CNTN4: variants seen among roughly 807,000 people sequenced by gnomAD.
CNTN4 encodes the protein contactin-4.
A neutral mutation model predicts 122.5 loss-of-function variants in CNTN4; 77 were observed. That is an observed-to-expected ratio of 0.63 (90% CI 0.52 to 0.76). The LOEUF is 0.76. Ranked by LOEUF, CNTN4 falls within the 30% of genes least tolerant of loss-of-function variation. CNTN4 has a pLI of 0.00. For missense variants in CNTN4, 1,256 were observed against 1,259.1 expected (o/e 1.00, Z 0.04); for synonymous variants, 512 against 447.0 (o/e 1.15, Z -1.83).
rs1458300067 is a variant in CNTN4, at chr3:2,535,008, C to CCG, written c.-88-36408_-88-36407insCG. Among the ~76,000 whole-genome samples the CCG allele has an allele frequency of 3.8e-3, 579 of 151,776 alleles. 3 individuals are homozygous for CCG. The highest frequency in any genetic ancestry group is 9.8e-3 in the East Asian group (50 of 5,126). ...AAAAGGTCAAAGCCTTGCTTCAGCT[C>CCG]TAAAGGACCTTCTTTACATAATAGC... is the stretch of plus-strand genomic sequence containing the variant. On this transcript the variant is annotated intron_variant, in intron 3 of 24. Coordinates refer to ENST00000418658, the MANE Select transcript of CNTN4 (RefSeq NM_175607.3).
chr3:2,344,451 T>C (rs1268305756), intron 3 of CNTN4, among the ~76,000 whole-genome samples: 1 of 152,078 alleles, frequency 6.6e-6, no homozygotes, highest in Non-Finnish European at 1.5e-5. Context: ...AGCTAATTTT[T>C]GTATTTTTAG....
chr3:2,923,714 G>A (rs1342085420), intron 12 of CNTN4, among the ~76,000 whole-genome samples: 1 of 152,084 alleles, frequency 6.6e-6, no homozygotes, highest in Non-Finnish European at 1.5e-5. Context: ...TCATGCATGT[G>A]CACACACACA....
intron 6 of CNTN4, among the ~76,000 whole-genome samples, chr3:2,770,258 G>A (rs1262850168): frequency 6.6e-6 from 1 of 152,224 alleles, no homozygotes; most frequent in East Asian, 1.9e-4. Flanking sequence ...TTGAACTCCT[G>A]ACCTCGTGAT....
At chr3:2,876,865 A>G (rs1453562984) in intron 8 of CNTN4, among the ~76,000 whole-genome samples, 1 of 152,130 alleles carries the variant, frequency 6.6e-6, no homozygotes, top group South Asian at 2.1e-4. Context: ...AGCCCTTAAG[A>G]TATGTTTATT....
intron 7 of CNTN4, among the ~76,000 whole-genome samples, chr3:2,834,488 A>C (rs763666032): frequency 6.6e-6 from 1 of 151,658 alleles, no homozygotes; most frequent in Non-Finnish European, 1.5e-5. Flanking sequence ...AATTGCTTGA[A>C]CCCAGCAGGC....
intron 3 of CNTN4, among the ~76,000 whole-genome samples, chr3:2,455,976 T>C (rs1559568006): frequency 6.6e-6 from 1 of 152,144 alleles, no homozygotes; most frequent in Non-Finnish European, 1.5e-5. Context: ...AGTAAGCACT[T>C]ACTATGTGGG....
At chr3:2,119,120 C>A (rs538914454) in intron 2 of CNTN4, among the ~76,000 whole-genome samples, 17 of 152,162 alleles carry the variant, frequency 1.1e-4, no homozygotes, top group Non-Finnish European at 2.4e-4. Flanking sequence ...AGAGGGCCTT[C>A]AGAAAAAAAC....
intron 2 of CNTN4, among the ~76,000 whole-genome samples, chr3:2,216,848 A>G (rs758605935): frequency 6.6e-6 from 1 of 152,154 alleles, no homozygotes; most frequent in Non-Finnish European, 1.5e-5. Context: ...AGTCTTATCA[A>G]CTTTTCTTGA....
rs1241478123 is a variant in CNTN4, at chr3:2,556,886, CAA to C, written c.-88-14528_-88-14527del. On this transcript the variant is annotated intron_variant, in intron 3 of 24. Transcript: ENST00000418658. ...AGTCAGATGTTGAAAAGAAATGGAACAAAGTTTTTTCTAAACTTGAAAATGCT... is the reference window on the plus strand; with the variant it reads ...AGTCAGATGTTGAAAAGAAATGGAACAGTTTTTTCTAAACTTGAAAATGCT... 5.9e-5 allele frequency among the ~76,000 whole-genome samples: 9 copies of C among 152,136 alleles called. No homozygotes were observed. The South Asian group carries it at 1.5e-3, about 25-fold the overall frequency.
intron 3 of CNTN4, among the ~76,000 whole-genome samples, chr3:2,459,866 A>G (rs1454939247): frequency 6.6e-6 from 1 of 152,152 alleles, no homozygotes; most frequent in Non-Finnish European, 1.5e-5. Flanking sequence ...AAGCATAGCA[A>G]ATATATAGTT....
chr3:2,261,875 G>A (rs2040846254), intron 2 of CNTN4, among the ~76,000 whole-genome samples: 1 of 152,132 alleles, frequency 6.6e-6, no homozygotes, highest in Admixed American at 6.6e-5. Context: ...GATGCATGTT[G>A]AAAGCGATTT....
intron 3 of CNTN4, among the ~76,000 whole-genome samples, chr3:2,422,414 C>G (rs1242215113): frequency 6.6e-6 from 1 of 152,196 alleles, no homozygotes; most frequent in Non-Finnish European, 1.5e-5. Context: ...CAGATGTTGT[C>G]ATTTTCACAG....
intron 3 of CNTN4, among the ~76,000 whole-genome samples, chr3:2,471,874 G>A (rs2075695791): frequency 2.0e-5 from 3 of 152,182 alleles, no homozygotes; most frequent in Admixed American, 2.0e-4. Context: ...CGTCAAAGCT[G>A]TATACAATAC....
intron 3 of CNTN4, among the ~76,000 whole-genome samples, chr3:2,352,497 G>C (rs2044671384): frequency 6.6e-6 from 1 of 152,206 alleles, no homozygotes; most frequent in African/African-American, 2.4e-5. Context: ...TGGCAGGCCG[G>C]CACAGCCAGC....
At chr3:2,712,136 G>A (rs923314834) in intron 4 of CNTN4, among the ~76,000 whole-genome samples, 3 of 152,098 alleles carry the variant, frequency 2.0e-5, no homozygotes, top group Admixed American at 1.3e-4. Flanking sequence ...GTTGTTATCA[G>A]TGCAAAACTT....
intron 2 of CNTN4, among the ~76,000 whole-genome samples, chr3:2,156,717 G>A (rs1181766985): frequency 1.3e-5 from 2 of 152,164 alleles, no homozygotes; most frequent in African/African-American, 2.4e-5. Flanking sequence ...TTAACTCTGG[G>A]CAGAGTTAGG....
At chr3:2,133,930 T>A (rs1285025409) in intron 2 of CNTN4, among the ~76,000 whole-genome samples, 3 of 152,358 alleles carry the variant, frequency 2.0e-5, no homozygotes, top group African/African-American at 7.2e-5. Context: ...AAATTGAGTA[T>A]GTCTCCTATA....
rs146544305 is a variant in CNTN4 at position 2,304,629 on chromosome 3, G to A, written c.-144-34549G>A. On this transcript the variant is annotated intron_variant, in intron 2 of 24. Transcript: ENST00000418658. ...GTAATTAGGAAAATAATAAAGGCGA[G>A]GAGTTGGCTTTATCACATTGTGTGA... 6.4e-4 allele frequency among the ~76,000 whole-genome samples: 97 copies of A among 152,036 alleles called. 1 individual carries two copies. In the East Asian group the frequency reaches 0.018, roughly 29 times the overall value.
chr3:3,014,047 TACACACACACACAC>T (rs10546128), intron 14 of CNTN4, among the ~76,000 whole-genome samples: 11 of 146,408 alleles, frequency 7.5e-5, no homozygotes, highest in South Asian at 2.2e-4. Flanking sequence ...CATTTAAATG[TACACACACACACAC>T]ACACACACAC....
Sources: allele counts gnomAD v4.1 joint callset (sites outside exome capture counted in the v4.1 genomes callset), GRCh38; gene constraint gnomAD v4.1.1; transcripts MANE v1.5; gene names NCBI Gene and HGNC (gene_info 2026-07-23, HGNC 2026-07-21).